NCALD: variants seen among roughly 807,000 people sequenced by gnomAD.
NCALD encodes the protein neurocalcin delta, also known as neurocalcin-delta.
Under a neutral mutation model 18.6 loss-of-function variants are expected in NCALD, and 10 were observed. That is an observed-to-expected ratio of 0.54 (90% CI 0.33 to 0.91). The LOEUF (loss-of-function observed/expected upper bound fraction) is 0.91, where lower values mean the gene tolerates loss of function less well. Among genes scored for constraint, NCALD ranks in the 40% least tolerant of loss-of-function variants. The pLI is 0.03. For missense variants in NCALD, 184 were observed against 247.6 expected (o/e 0.74, Z 1.72); for synonymous variants, 88 against 87.4 (o/e 1.01, Z -0.04).
intron 1 of NCALD, among the ~76,000 whole-genome samples, chr8:101,756,118 A>G (rs530862084): frequency 6.6e-6 from 1 of 152,178 alleles, no homozygotes; most frequent in African/African-American, 2.4e-5. Flanking sequence ...AATGTCAGAA[A>G]ATCAGATCAG....
chr8:101,910,091 C>G (rs1229520975), intron 3 of NCALD, among the ~76,000 whole-genome samples: 1 of 152,008 alleles, frequency 6.6e-6, no homozygotes, highest in South Asian at 2.1e-4. Flanking sequence ...TACACTGAGA[C>G]CTCAGTGAGG....
intron 4 of NCALD, among the ~76,000 whole-genome samples, chr8:101,802,403 G>C (rs1396791652): frequency 6.6e-6 from 1 of 152,006 alleles, no homozygotes; most frequent in African/African-American, 2.4e-5. Context: ...AGGAAGAGTT[G>C]CATGTCTCTC....
intron 4 of NCALD, among the ~76,000 whole-genome samples, chr8:101,808,605 GAT>G (rs1813194035): frequency 6.6e-6 from 1 of 152,188 alleles, no homozygotes; most frequent in Non-Finnish European, 1.5e-5. Context: ...GATGTAAATA[GAT>G]ATGTCATGTG....
intron 2 of NCALD, among the ~76,000 whole-genome samples, chr8:101,696,200 T>C (rs145964986): frequency 6.6e-6 from 1 of 152,294 alleles, no homozygotes; most frequent in Non-Finnish European, 1.5e-5. Flanking sequence ...ATCCATCCAC[T>C]CACTCAGTCA....
intron 1 of NCALD, among the ~76,000 whole-genome samples, chr8:101,782,050 C>T (rs1253521320): frequency 7.5e-6 from 1 of 133,948 alleles, no homozygotes; most frequent in South Asian, 2.6e-4. Flanking sequence ...TGTGCAGTGT[C>T]TCAGGGGTTT....
intron 2 of NCALD, among the ~76,000 whole-genome samples, chr8:102,002,173 T>C (rs1427633917): frequency 1.3e-5 from 2 of 152,050 alleles, no homozygotes; most frequent in African/African-American, 4.8e-5. Flanking sequence ...AATAAAGGGA[T>C]GGAGGAAGAT....
At chr8:101,910,769 T>C (rs1817767845) in intron 3 of NCALD, among the ~76,000 whole-genome samples, 1 of 152,186 alleles carries the variant, frequency 6.6e-6, no homozygotes, top group Non-Finnish European at 1.5e-5. Context: ...ATGGCAAATA[T>C]ATCTGATAAA....
chr8:101,730,207 T>G (rs991797127), intron 1 of NCALD, among the ~76,000 whole-genome samples: 1 of 152,024 alleles, frequency 6.6e-6, no homozygotes, highest in Non-Finnish European at 1.5e-5. Flanking sequence ...ATTGGCTGGG[T>G]CCGGTGGCTC....
intron 2 of NCALD, among the ~76,000 whole-genome samples, chr8:101,717,553 G>A (rs1164763514): frequency 6.6e-6 from 1 of 152,100 alleles, no homozygotes; most frequent in Non-Finnish European, 1.5e-5. Context: ...ATTTGTTGAC[G>A]GTTCTCCTGG....
intron 2 of NCALD, among the ~76,000 whole-genome samples, chr8:101,979,723 G>A (rs1820547009): frequency 6.6e-6 from 1 of 152,226 alleles, no homozygotes; most frequent in Non-Finnish European, 1.5e-5. Context: ...GATTGAGTTA[G>A]ACTGTAACAG....
At chr8:101,801,720 G>A (rs142030311) in intron 4 of NCALD, among the ~76,000 whole-genome samples, 2 of 126,498 alleles carry the variant, frequency 1.6e-5, no homozygotes, top group Non-Finnish European at 3.1e-5. Context: ...AGGCTGGAGT[G>A]CAGTGGCACT....
At position 101,692,774 on chromosome 8, in the gene NCALD, T is replaced by C; in HGVS notation, c.484+17A>G. 1 of 1,598,698 alleles carries C rather than the reference T, an allele frequency of 6.3e-7. No homozygotes were observed. The highest frequency in any genetic ancestry group is 8.6e-7 in the Non-Finnish European group (1 of 1,166,496). On this transcript the variant is annotated intron_variant, in intron 3 of 3. Coordinates refer to ENST00000220931, the MANE Select transcript of NCALD (RefSeq NM_032041.3). ...CAGCCCCCATCTGAGCAAAGCAGTG[T>C]AGCCCCCGCCTCCTACCGTCTCTAT... is the stretch of plus-strand genomic sequence containing the variant.
rs1726418273 is a variant in NCALD at position 101,719,420 on chromosome 8, G to A, written c.210C>T (p.Arg70=). Residue 70 remains arginine (R), a synonymous_variant, in exon 2 of 4, where the codon CGC becomes CGT. Coordinates refer to ENST00000220931, the MANE Select transcript of NCALD (RefSeq NM_032041.3). The part of the protein sequence containing the change: ...DASKFAEHVF[R]TFDANGDGTI... ...TCCCATCTCCATTTGCATCGAAGGT[G>A]CGGAAGACATGCTCTGCAAATTTGG... 3 of 1,614,216 alleles carry A rather than the reference G, an allele frequency of 1.9e-6. No homozygotes were observed. Among genetic ancestry groups the A allele is most frequent in the Non-Finnish European group, 2.5e-6 (3 of 1,180,044 alleles).
intron 1 of NCALD, among the ~76,000 whole-genome samples, chr8:102,095,081 G>T (rs1456881324): frequency 6.6e-6 from 1 of 152,214 alleles, no homozygotes; most frequent in African/African-American, 2.4e-5. Flanking sequence ...AGTTAGCTTG[G>T]ACTTCAGCCT....
At chr8:101,943,072 G>A (rs546655191) in intron 2 of NCALD, among the ~76,000 whole-genome samples, 4 of 152,254 alleles carry the variant, frequency 2.6e-5, no homozygotes, top group African/African-American at 4.8e-5. Context: ...GTTCTGGAGC[G>A]GGAAGCAAAG....
intron 1 of NCALD, among the ~76,000 whole-genome samples, chr8:102,121,663 C>G (rs1278460401): frequency 5.3e-5 from 8 of 152,180 alleles, no homozygotes; most frequent in Non-Finnish European, 1.2e-4. Flanking sequence ...ATCTGAGATG[C>G]CTGACCTTTT....
chr8:101,907,213 C>G (rs1817639368), intron 3 of NCALD, among the ~76,000 whole-genome samples: 4 of 152,096 alleles, frequency 2.6e-5, no homozygotes, highest in Non-Finnish European at 5.9e-5. Flanking sequence ...TAGTCTCAGC[C>G]CTGCAACAAC....
chr8:101,718,117 C>A (rs975136084), intron 2 of NCALD, among the ~76,000 whole-genome samples: 1 of 152,134 alleles, frequency 6.6e-6, no homozygotes, highest in East Asian at 1.9e-4. Flanking sequence ...AGTGTCTGAG[C>A]ATTTTGTAAG....
intron 4 of NCALD, among the ~76,000 whole-genome samples, chr8:101,854,142 G>T (rs566501): frequency 0.36 from 55,155 of 152,088 alleles, 12,226 homozygotes; most frequent in African/African-American, 0.62. Context: ...TCAGAAAGGA[G>T]AGAGTATTCC....
Sources: allele counts gnomAD v4.1 joint callset (sites outside exome capture counted in the v4.1 genomes callset), GRCh38; gene constraint gnomAD v4.1.1; transcripts MANE v1.5; gene names NCBI Gene and HGNC (gene_info 2026-07-23, HGNC 2026-07-21).